The following PTPRR variants were observed in gnomAD, a reference collection of about 807,000 sequenced individuals.
The protein encoded by PTPRR is receptor-type tyrosine-protein phosphatase R.
A neutral mutation model predicts 77.2 loss-of-function variants in PTPRR; 38 were observed. The ratio of observed to expected loss-of-function variants is 0.49; its 90% CI spans 0.38 to 0.65. The LOEUF (loss-of-function observed/expected upper bound fraction) is 0.65, where lower values mean the gene tolerates loss of function less well. Ranked by LOEUF, PTPRR falls within the 30% of genes least tolerant of loss-of-function variation. The probability of loss-of-function intolerance (pLI) is 0.00; values close to 1 mark genes in which losing one functional copy is unlikely to be tolerated. For missense variants in PTPRR, 744 were observed against 799.2 expected, an observed-to-expected ratio of 0.93 and a Z score of 0.83; for synonymous variants, 299 against 283.1, an observed-to-expected ratio of 1.06 and a Z score of -0.57.
intron 10 of PTPRR, chr12:70,672,929 T>C: frequency 6.7e-7 from 1 of 1,494,570 alleles, no homozygotes. Flanking sequence ...CCCAGGGAAA[T>C]GTCGAATGCC....
At position 70,847,135 on chromosome 12, in the gene PTPRR, A is replaced by G. The variant is rs150246664; in HGVS notation, c.357+45544T>C. 3.1e-3 allele frequency among the ~76,000 whole-genome samples: 470 copies of G among 152,268 alleles called. 9 individuals carry two copies. Among genetic ancestry groups the G allele is most frequent in the African/African-American group, 0.011 (450 of 41,558 alleles). On this transcript the variant is annotated intron_variant, in intron 2 of 13. Transcript: ENST00000283228. ...ACGAGAACTTGGATGTTAAGCACAA[A>G]AGTTTTGACAAGAGACCTTGCTCTG...
At chr12:70,748,433 A>G (rs1890281033) in intron 5 of PTPRR, among the ~76,000 whole-genome samples, 1 of 152,200 alleles carries the variant, frequency 6.6e-6, no homozygotes, top group South Asian at 2.1e-4. Context: ...CACTTTGTTG[A>G]AAAACTCAAC....
At chr12:70,774,630 G>T (rs1891051672) in intron 2 of PTPRR, among the ~76,000 whole-genome samples, 1 of 151,534 alleles carries the variant, frequency 6.6e-6, no homozygotes, top group African/African-American at 2.4e-5. Context: ...GAGAAAAGCT[G>T]GATTTTGTAG....
At chr12:70,803,372 T>C (rs538907650) in intron 2 of PTPRR, among the ~76,000 whole-genome samples, 40 of 152,282 alleles carry the variant, frequency 2.6e-4, no homozygotes, top group Non-Finnish European at 4.7e-4. Flanking sequence ...AAAGAAGCAC[T>C]CTTTGGGTTT....
intron 2 of PTPRR, among the ~76,000 whole-genome samples, chr12:70,810,182 T>C (rs1329403708): frequency 2.6e-5 from 4 of 152,126 alleles, no homozygotes; most frequent in African/African-American, 9.7e-5. Context: ...CTTAAAGAGC[T>C]ACCCTGAAGT....
At chr12:70,894,901 A>G (rs982569826) in intron 1 of PTPRR, among the ~76,000 whole-genome samples, 58 of 151,754 alleles carry the variant, frequency 3.8e-4, no homozygotes. Context: ...TCAATTTAGC[A>G]TGCTCGGAAC....
In PTPRR at chr12:70,639,242, A is replaced by C. The variant is rs1885898188; in HGVS notation, c.1916T>G (p.Phe639Cys). Residue 639 changes from phenylalanine (F) to cysteine (C), a missense_variant, in exon 14 of 14, where the codon TTT becomes TGT. Transcript: ENST00000283228. Reference sequence around the variant, plus strand: ...ATACAGGCACAGAGCATGGTGCACAAATTCATACTGCTCACTGGTTTGCAC... The same window carrying C: ...ATACAGGCACAGAGCATGGTGCACACATTCATACTGCTCACTGGTTTGCAC... Reference protein sequence around the residue: ...GMVQTSEQYEFVHHALCLYES... With the variant: ...GMVQTSEQYECVHHALCLYES... The C allele has an allele frequency of 6.2e-7, 1 of 1,613,500 alleles. No individual in the cohort carries two copies. Among genetic ancestry groups the C allele is most frequent in the African/African-American group, 1.3e-5 (1 of 74,938 alleles).
chr12:70,751,517 C>A (rs1890397235), intron 5 of PTPRR, among the ~76,000 whole-genome samples: 1 of 152,138 alleles, frequency 6.6e-6, no homozygotes, highest in Admixed American at 6.6e-5. Context: ...TCCCCTAGAG[C>A]CTGAACAGGC....
At chr12:70,710,206 G>A (rs182619351) in intron 6 of PTPRR, among the ~76,000 whole-genome samples, 12 of 152,022 alleles carry the variant, frequency 7.9e-5, no homozygotes, top group African/African-American at 2.7e-4. Context: ...AAACAGACAC[G>A]GAGACCAATG....
intron 7 of PTPRR, 118 bp downstream of exon 7, chr12:70,701,019 C>G: frequency 2.0e-6 from 2 of 1,022,430 alleles, no homozygotes; most frequent in Non-Finnish European, 2.9e-6. Flanking sequence ...AACCATTTCA[C>G]TTTGCCATTT....
At chr12:70,719,223 A>G (rs1289248014) in intron 6 of PTPRR, among the ~76,000 whole-genome samples, 1 of 152,184 alleles carries the variant, frequency 6.6e-6, no homozygotes, top group Non-Finnish European at 1.5e-5. Context: ...GGAGGAAAAC[A>G]GCCGACATGA....
chr12:70,682,234 G>A (rs58433873), intron 10 of PTPRR, among the ~76,000 whole-genome samples: 1 of 150,778 alleles, frequency 6.6e-6, no homozygotes, highest in Non-Finnish European at 1.5e-5. Context: ...TAGTAGAGAC[G>A]GGGTTTCACC....
chr12:70,819,958 C>A (rs923554002), intron 2 of PTPRR, among the ~76,000 whole-genome samples: 2 of 152,056 alleles, frequency 1.3e-5, no homozygotes, highest in Non-Finnish European at 2.9e-5. Flanking sequence ...AAAAGATCAA[C>A]TATTTTTTGA....
At chr12:70,747,168 AACTC>A (rs1007642827) in intron 5 of PTPRR, among the ~76,000 whole-genome samples, 8 of 152,174 alleles carry the variant, frequency 5.3e-5, no homozygotes, top group Non-Finnish European at 1.2e-4. Flanking sequence ...TAAGGTTTTT[AACTC>A]ACTGCTTCTC....
At chr12:70,910,274 G>A (rs1893681314) in intron 1 of PTPRR, among the ~76,000 whole-genome samples, 1 of 152,116 alleles carries the variant, frequency 6.6e-6, no homozygotes, top group Non-Finnish European at 1.5e-5. Context: ...GAGAAGATGG[G>A]ATTCGAACTC....
At chr12:70,729,601 A>G (rs1321975509) in intron 6 of PTPRR, among the ~76,000 whole-genome samples, 1 of 150,734 alleles carries the variant, frequency 6.6e-6, no homozygotes, top group African/African-American at 2.5e-5. Context: ...AAATATTAAC[A>G]CTTACTTCTA....
intron 6 of PTPRR, among the ~76,000 whole-genome samples, chr12:70,702,727 A>G (rs573674088): frequency 1.3e-5 from 2 of 152,274 alleles, no homozygotes; most frequent in African/African-American, 4.8e-5. Flanking sequence ...TGTAATTGAG[A>G]TTTTAATTTC....
At chr12:70,696,663 G>A (rs982310296) in intron 8 of PTPRR, among the ~76,000 whole-genome samples, 8 of 152,060 alleles carry the variant, frequency 5.3e-5, no homozygotes, top group African/African-American at 1.9e-4. Context: ...TGCCATCACA[G>A]CATTTTTTTT....
chr12:70,716,648 T>C (rs1889043078), intron 6 of PTPRR, among the ~76,000 whole-genome samples: 5 of 152,184 alleles, frequency 3.3e-5, no homozygotes, highest in Admixed American at 3.3e-4. Flanking sequence ...CTATGGTATC[T>C]ACCATATCAG....
Sources: allele counts gnomAD v4.1 joint callset (sites outside exome capture counted in the v4.1 genomes callset), GRCh38; gene constraint gnomAD v4.1.1; transcripts MANE v1.5; gene names NCBI Gene and HGNC (gene_info 2026-07-23, HGNC 2026-07-21).